CPLANE1: variants seen among roughly 807,000 people sequenced by gnomAD.
The protein encoded by CPLANE1 is ciliogenesis and planar polarity effector complex subunit 1, also known as ciliogenesis and planar polarity effector 1.
In CPLANE1, 263 loss-of-function variants were observed where a neutral mutation model predicts 362.5. The observed-to-expected ratio is 0.73, with a 90% confidence interval of 0.66 to 0.80. The LOEUF (loss-of-function observed/expected upper bound fraction) is 0.80, where lower values mean the gene tolerates loss of function less well. CPLANE1 is among the 30% of genes least tolerant of loss of function. The pLI, the probability that CPLANE1 is intolerant of heterozygous loss-of-function variation, is 0.00. For missense variants in CPLANE1, 3,461 were observed against 3,793.4 expected (o/e 0.91, Z 2.30); for synonymous variants, 1,212 against 1,302.6 (o/e 0.93, Z 1.50).
In CPLANE1 at chr5:37,230,930, A is replaced by G; in HGVS notation, c.1058T>C (p.Phe353Ser). Residue 353 changes from phenylalanine to serine, a missense_variant, in exon 9 of 53, where the codon TTT (phenylalanine) becomes TCT (serine). Around this residue, in one of 2 missense-constraint regions of CPLANE1, gnomAD observed 3,380 missense variants for 3,666.1 expected, o/e 0.92. Transcript: ENST00000651892. ...CQGELLTLITFGCSIEFGPAE... is the reference protein window; with the variant it reads ...CQGELLTLITSGCSIEFGPAE... Reference sequence around the variant, plus strand: ...TGGGCCAAATTCTATAGAGCAACCAAATGTAATTAATGTTAGCAATTCACC... The same window carrying G: ...TGGGCCAAATTCTATAGAGCAACCAGATGTAATTAATGTTAGCAATTCACC... 1 of 1,550,280 alleles carries G rather than the reference A, an allele frequency of 6.5e-7. No individual in the cohort carries two copies. Among genetic ancestry groups the G allele is most frequent in the Non-Finnish European group, 8.7e-7 (1 of 1,146,302 alleles).
At chr5:37,169,906 T>C (rs866586332) in intron 33 of CPLANE1, 135 bp downstream of exon 33, 3 of 862,920 alleles carry the variant, frequency 3.5e-6, no homozygotes, top group Middle Eastern at 3.0e-4. Flanking sequence ...TTTGTATTTT[T>C]AGTAGAGACG....
intron 42 of CPLANE1, among the ~76,000 whole-genome samples, chr5:37,152,278 G>A (rs1288905675): frequency 6.6e-6 from 1 of 152,112 alleles, no homozygotes; most frequent in Non-Finnish European, 1.5e-5. Context: ...GTGAGCGCAA[G>A]TGATCCTTCC....
chr5:37,239,493 G>T (rs1447141143), intron 7 of CPLANE1, among the ~76,000 whole-genome samples: 1 of 148,966 alleles, frequency 6.7e-6, no homozygotes, highest in Non-Finnish European at 1.5e-5. Flanking sequence ...TGAGGTGAGA[G>T]GATCACTTGA....
At chr5:37,108,833 CT>C (rs2149868265) in intron 51 of CPLANE1, among the ~76,000 whole-genome samples, 1 of 152,310 alleles carries the variant, frequency 6.6e-6, no homozygotes, top group Non-Finnish European at 1.5e-5. Flanking sequence ...CTTGTGAAAA[CT>C]TCTTAGAAGC....
At chr5:37,080,859 G>GGTTAT in the CPLANE1 span, among the ~76,000 whole-genome samples, 8 of 152,178 alleles carry the variant, frequency 5.3e-5, no homozygotes, top group African/African-American at 1.7e-4. Context: ...AAATTATGGA[G>GGTTAT]GTTATGTTCT....
At chr5:37,206,831 G>A (rs1424729259) in intron 16 of CPLANE1, among the ~76,000 whole-genome samples, 1 of 151,816 alleles carries the variant, frequency 6.6e-6, no homozygotes, top group Non-Finnish European at 1.5e-5. Flanking sequence ...GTCACAATGT[G>A]CAATTTATTA....
At chr5:37,232,691 A>C (rs1797984168) in intron 8 of CPLANE1, among the ~76,000 whole-genome samples, 1 of 150,262 alleles carries the variant, frequency 6.7e-6, no homozygotes, top group Non-Finnish European at 1.5e-5. Flanking sequence ...AAACAAAAAA[A>C]CAGTCGTGGT....
the CPLANE1 span, among the ~76,000 whole-genome samples, chr5:37,098,390 C>CAAAA: frequency 5.8e-3 from 219 of 37,536 alleles, 9 homozygotes; most frequent in African/African-American, 0.016. Flanking sequence ...AACTCCGTCT[C>CAAAA]AAAAAAAAAA....
intron 46 of CPLANE1, among the ~76,000 whole-genome samples, chr5:37,127,514 A>AATTTTT: frequency 6.7e-6 from 1 of 149,070 alleles, no homozygotes; most frequent in East Asian, 1.9e-4. Context: ...TTTTTTATTT[A>AATTTTT]ATTTTTTTTT....
At chr5:37,085,640 G>A in the CPLANE1 span, 1 of 1,005,588 alleles carries the variant, frequency 9.9e-7, no homozygotes, top group Non-Finnish European at 1.6e-6. Flanking sequence ...AATAACTGGT[G>A]TGATCACCAA....
chr5:37,167,606 G>A (rs563302584), intron 34 of CPLANE1, among the ~76,000 whole-genome samples: 36 of 152,178 alleles, frequency 2.4e-4, no homozygotes, highest in African/African-American at 6.3e-4. Flanking sequence ...GTGAAACCCC[G>A]TCCCTACTAA....
chr5:37,139,905 C>T (rs764249249), intron 44 of CPLANE1: 2 of 985,372 alleles, frequency 2.0e-6, no homozygotes, highest in Non-Finnish European at 2.4e-6. Flanking sequence ...TGTCAGAAGG[C>T]ACAACCCTTC....
intron 4 of CPLANE1, 72 bp from the exon 5 acceptor site, chr5:37,244,679 G>A: frequency 1.2e-6 from 1 of 825,538 alleles, no homozygotes; most frequent in Non-Finnish European, 1.9e-6. Context: ...CATAATTTAT[G>A]TATTCTTACA....
At chr5:37,111,154 T>G (rs1254375929) in intron 51 of CPLANE1, among the ~76,000 whole-genome samples, 1 of 150,228 alleles carries the variant, frequency 6.7e-6, no homozygotes, top group Non-Finnish European at 1.5e-5. Flanking sequence ...AGAGTCTCGC[T>G]CTGTCACTCA....
rs1739430584 is a variant in CPLANE1 at position 37,245,769 on chromosome 5, T to G, written c.158A>C (p.Lys53Thr). Residue 53 changes from lysine (K) to threonine (T), a missense_variant, in exon 3 of 53, where the codon AAA (lysine) becomes ACA (threonine). By Grantham distance (78) the Lys-to-Thr change is moderately conservative. Transcript: ENST00000651892. ...CAAGAAAGGCTGCAGACTAGGAATTTTCTTCTTTATCTTTCCTGATAGCAA... is the reference window on the plus strand; with the variant it reads ...CAAGAAAGGCTGCAGACTAGGAATTGTCTTCTTTATCTTTCCTGATAGCAA... The part of the protein sequence containing the change: ...INLLSGKIKK[K>T]IPSLQPFLKD... 1.3e-6 allele frequency: 2 copies of G among 1,537,438 alleles called. No homozygotes were observed. The highest frequency in any genetic ancestry group is 1.8e-6 in the Non-Finnish European group (2 of 1,142,648).
Position 37,238,952 on chromosome 5 carries a change from C to G in CPLANE1, c.843G>C (p.Gln281His), listed in dbSNP as rs1287311032. Residue 281 changes from glutamine to histidine, a missense_variant, in exon 8 of 53, where the codon CAG (glutamine) becomes CAC (histidine). Gln to His is a conservative substitution (Grantham distance 24). This residue lies in a region of CPLANE1 where 3,380 missense variants were observed against 3,666.1 expected (regional missense o/e 0.92). Transcript: ENST00000651892. ...TLNQKDPKAT[Q>H]VLFINTLNFV... ...AATTCAGTGTGTTTATAAATAATAC[C>G]TGAGTTGCCTAGAAAGGAAAAAAAA... The G allele has an allele frequency of 2.7e-6, 4 of 1,473,586 alleles. No individual in the cohort carries two copies. The highest frequency in any genetic ancestry group is 3.6e-6 in the Non-Finnish European group (4 of 1,107,376). The allele number at this position is 1,473,586 out of a possible 1,614,324, so 91.3% of individuals were successfully genotyped here.
chr5:37,221,460 T>C lies in CPLANE1; in HGVS notation c.2610A>G (p.Ile870Met), dbSNP rs1455094740. 6.6e-7 allele frequency: 1 copy of C among 1,507,202 alleles called. No individual in the cohort carries two copies. Among genetic ancestry groups the C allele is most frequent in the Non-Finnish European group, 8.8e-7 (1 of 1,132,554 alleles). The allele number at this position is 1,507,202 out of a possible 1,614,324, so 93.4% of individuals were successfully genotyped here. Residue 870 changes from isoleucine (I) to methionine (M), a missense_variant, in exon 15 of 53, where the codon ATA (isoleucine) becomes ATG (methionine). Ile to Met is a conservative substitution (Grantham distance 10, BLOSUM62 1). Around this residue, in one of 2 missense-constraint regions of CPLANE1, gnomAD observed 3,380 missense variants for 3,666.1 expected, o/e 0.92. Transcript: ENST00000651892. ...AGTATAAGAGAGAAAGATAATAGCG[T>C]ATCTGAAGAAAATACGTCCTTCTTC... is the stretch of plus-strand genomic sequence containing the variant. ...KGGRRTYFLQ[I>M]RYYLSLLYCH...
Position 37,206,286 on chromosome 5 carries a change from C to CCACA in CPLANE1, c.3056_3059dup (p.Trp1020CysfsTer6), listed in dbSNP as rs769934551. 10 of 1,551,724 alleles carry CCACA rather than the reference C, an allele frequency of 6.4e-6. No homozygotes were observed. The South Asian group carries it at 1.2e-4, about 18-fold the overall frequency. On this transcript the variant is annotated frameshift_variant, in exon 17 of 53. Transcript: ENST00000651892. ...TCCAGTCTCCAAGTTTATATGCCAA[C>CCACA]CACACAGCCTCTGGAACCAGGCCAC...
intron 6 of CPLANE1, among the ~76,000 whole-genome samples, chr5:37,241,002 G>T (rs911169077): frequency 6.6e-6 from 1 of 151,248 alleles, no homozygotes; most frequent in Non-Finnish European, 1.5e-5. Context: ...CAGCCGTGGG[G>T]GTGCGCACCT....
Sources: allele counts gnomAD v4.1 joint callset (sites outside exome capture counted in the v4.1 genomes callset), GRCh38; gene constraint gnomAD v4.1.1; regional missense constraint gnomAD v4.1.1; transcripts MANE v1.5; gene names NCBI Gene and HGNC (gene_info 2026-07-23, HGNC 2026-07-21).